Variants in EXOC3L2 observed in about 807,000 individuals in gnomAD.
The protein encoded by EXOC3L2 is exocyst complex component 3 like 2, also known as exocyst complex component 3-like protein 2.
A neutral mutation model predicts 44.4 loss-of-function variants in EXOC3L2; 17 were observed. The observed-to-expected ratio is 0.38, with a 90% CI of 0.26 to 0.57. The LOEUF is 0.57. EXOC3L2 is among the 20% of genes least tolerant of loss of function. EXOC3L2 has a pLI of 0.65. For synonymous variants in EXOC3L2, 256 were observed against 253.7 expected, an observed-to-expected ratio of 1.01 and a Z score of -0.09; for missense variants, 541 against 588.4, an observed-to-expected ratio of 0.92 and a Z score of 0.83.
At chr19:45,239,230 T>G (rs1970110563) in intron 1 of EXOC3L2, among the ~76,000 whole-genome samples, 169 bp from the exon 2 acceptor site, 1 of 150,724 alleles carries the variant, frequency 6.6e-6, no homozygotes, top group Non-Finnish European at 1.5e-5. Context: ...TTTTTTTTTT[T>G]TTTTTGAGAC....
intron 8 of EXOC3L2, among the ~76,000 whole-genome samples, chr19:45,218,963 G>A (rs1039282234): frequency 4.6e-5 from 7 of 152,046 alleles, no homozygotes; most frequent in Admixed American, 1.3e-4. Flanking sequence ...CTGGGACTGC[G>A]CGCAGTGGCT....
At chr19:45,221,193 CTTTTTTGT>C (rs1410627731) in intron 8 of EXOC3L2, among the ~76,000 whole-genome samples, 48 of 145,202 alleles carry the variant, frequency 3.3e-4, no homozygotes, top group African/African-American at 1.3e-3. Context: ...GCCCAGTTTT[CTTTTTTGT>C]TTTTTTGTGG....
At chr19:45,229,796 GT>G (rs1269486924) in intron 4 of EXOC3L2, among the ~76,000 whole-genome samples, 1 of 149,656 alleles carries the variant, frequency 6.7e-6, no homozygotes, top group African/African-American at 2.4e-5. Context: ...GGTGAGCCGA[GT>G]TTGTGCCACT....
intron 3 of EXOC3L2, among the ~76,000 whole-genome samples, chr19:45,233,740 G>A (rs1970053786): frequency 6.6e-6 from 1 of 152,218 alleles, no homozygotes; most frequent in South Asian, 2.1e-4. Context: ...TTAGATGCTA[G>A]GAGTGTAACT....
chr19:45,232,716 G>C (rs1970043987), intron 3 of EXOC3L2, among the ~76,000 whole-genome samples: 1 of 152,172 alleles, frequency 6.6e-6, no homozygotes, highest in African/African-American at 2.4e-5. Flanking sequence ...TTCTAGGACT[G>C]AGAGGGACCA....
intron 1 of EXOC3L2, 58 bp from the exon 2 acceptor site, chr19:45,239,119 G>C (rs1204424828): frequency 1.3e-5 from 5 of 395,602 alleles, no homozygotes; most frequent in Non-Finnish European, 2.2e-5. Flanking sequence ...TATGGATGAC[G>C]GTGCCTCTGT....
At chr19:45,230,200 T>G (rs1331720248) in intron 4 of EXOC3L2, among the ~76,000 whole-genome samples, 1 of 151,560 alleles carries the variant, frequency 6.6e-6, no homozygotes, top group Non-Finnish European at 1.5e-5. Context: ...TTTAAAATGT[T>G]TTACAAAACA....
intron 7 of EXOC3L2, among the ~76,000 whole-genome samples, chr19:45,227,403 G>A (rs994966992): frequency 6.6e-6 from 1 of 152,202 alleles, no homozygotes; most frequent in African/African-American, 2.4e-5. Context: ...TTACAGGCAT[G>A]AGCCACTGTG....
chr19:45,216,475 AG>A (rs1405351528), intron 10 of EXOC3L2, among the ~76,000 whole-genome samples: 2 of 152,184 alleles, frequency 1.3e-5, no homozygotes, highest in African/African-American at 4.8e-5. Context: ...ACTACTCAGG[AG>A]GCTGAAGCAG....
chr19:45,217,536 G>C lies in EXOC3L2; in HGVS notation c.1990C>G (p.Arg664Gly), dbSNP rs759472317. 3.2e-6 allele frequency: 5 copies of C among 1,577,410 alleles called. No homozygotes were observed. The highest frequency in any genetic ancestry group is 4.3e-6 in the Non-Finnish European group (5 of 1,168,666). ...EDAAQLQRLF[R>G]RLESQASWLD... ...CGCGTCCCGACACTGACCAGCCGCC[G>C]GAACAGCCTCTGCAGTTGCGCCGCG... Residue 664 changes from arginine (R) to glycine (G), a missense_variant, in exon 10 of 12, where the codon CGG becomes GGG. Coordinates refer to ENST00000413988, the MANE Select transcript of EXOC3L2 (RefSeq NM_001382422.1).
intron 11 of EXOC3L2, 112 bp from the exon 12 acceptor site, chr19:45,213,469 T>G (rs1969801183): frequency 7.6e-7 from 1 of 1,314,754 alleles, no homozygotes; most frequent in African/African-American, 1.5e-5. Context: ...TTGCCTGAGT[T>G]CTGGGGCCTC....
chr19:45,226,232 G>T (rs1969958596), intron 7 of EXOC3L2, among the ~76,000 whole-genome samples: 1 of 152,152 alleles, frequency 6.6e-6, no homozygotes, highest in Non-Finnish European at 1.5e-5. Flanking sequence ...CCCAGTGTTT[G>T]TGATTTGGGC....
At chr19:45,213,720 G>A (rs1047491666) in intron 11 of EXOC3L2, among the ~76,000 whole-genome samples, 4 of 151,880 alleles carry the variant, frequency 2.6e-5, no homozygotes, top group African/African-American at 9.7e-5. Flanking sequence ...CAAGGCAGGC[G>A]GATCACCTGA....
At chr19:45,218,445 AAG>A in intron 8 of EXOC3L2, 126 bp from the exon 9 acceptor site, 16 of 1,229,670 alleles carry the variant, frequency 1.3e-5, no homozygotes, top group Middle Eastern at 2.9e-4. Context: ...ACACAAGGGG[AAG>A]AGATAGCCCC....
At position 45,234,216 on chromosome 19, in the gene EXOC3L2, G is replaced by C. The variant is rs1261188120; in HGVS notation, c.1134C>G (p.His378Gln). 2.5e-6 allele frequency: 1 copy of C among 397,192 alleles called. No individual in the cohort carries two copies. The highest frequency in any genetic ancestry group is 4.4e-6 in the Non-Finnish European group (1 of 225,152). 24.6% of individuals were successfully genotyped at this position (397,192 alleles called of 1,614,324 possible). Reference protein sequence around the residue: ...LPLADRYALLHWHNQVYPREV... With the variant: ...LPLADRYALLQWHNQVYPREV... Reference sequence around the variant, plus strand: ...ACCTGGGGTAGACCTGATTGTGCCAGTGCAGCAGCGCGTAGCGGTCGGCCA... The same window carrying C: ...ACCTGGGGTAGACCTGATTGTGCCACTGCAGCAGCGCGTAGCGGTCGGCCA... The change falls in exon 3 of 12, where the codon CAC becomes CAG. Residue 378 changes from histidine (H) to glutamine (Q), a missense_variant. Transcript: ENST00000413988. The surrounding 1 kb of genome is among the most constrained non-coding windows in gnomAD (Gnocchi z 5.0).
Position 45,228,163 on chromosome 19 carries a change from A to G in EXOC3L2, c.1371+2T>C, listed in dbSNP as rs1435645910. The G allele has an allele frequency of 6.2e-7, 1 of 1,613,830 alleles. No homozygotes were observed. The highest frequency in any genetic ancestry group is 8.5e-7 in the Non-Finnish European group (1 of 1,179,910). The stretch of plus-strand genomic sequence containing the variant: ...ATCCCCCAGCCTCCCTCCACCTCCT[A>G]CCTCACACACATCCTGGGCCAGGCT... On this transcript the variant is annotated splice_donor_variant, in intron 5 of 11. Transcript: ENST00000413988. LOFTEE classifies it high-confidence loss of function.
chr19:45,243,075 T>C (rs1201101879), intron 1 of EXOC3L2, among the ~76,000 whole-genome samples: 4 of 152,156 alleles, frequency 2.6e-5, no homozygotes, highest in African/African-American at 9.7e-5. Flanking sequence ...CTATAAATGG[T>C]ATCATACTAT....
chr19:45,217,801 C>T, intron 9 of EXOC3L2, 118 bp from the exon 10 acceptor site: 1 of 1,243,282 alleles, frequency 8.0e-7, no homozygotes, highest in Non-Finnish European at 1.1e-6. Flanking sequence ...CACCCATGGG[C>T]ACCCTTCCCG....
chr19:45,224,948 C>T, intron 7 of EXOC3L2, 35 bp from the exon 8 acceptor site: 2 of 1,490,772 alleles, frequency 1.3e-6, no homozygotes, highest in Non-Finnish European at 1.8e-6. Flanking sequence ...CTGAGGGACC[C>T]CAACATCTCA....
Sources: allele counts gnomAD v4.1 joint callset (sites outside exome capture counted in the v4.1 genomes callset), GRCh38; gene constraint gnomAD v4.1.1; non-coding constraint Gnocchi (gnomAD v3.1); transcripts MANE v1.5; gene names NCBI Gene and HGNC (gene_info 2026-07-23, HGNC 2026-07-21).